ANKS1B: variants seen among roughly 807,000 people sequenced by gnomAD.
The protein encoded by ANKS1B is ankyrin repeat and sterile alpha motif domain containing 1B, also known as ankyrin repeat and sterile alpha motif domain-containing protein 1B.
ANKS1B carries 36 observed loss-of-function variants against 148.3 expected under a neutral mutation model. The ratio of observed to expected loss-of-function variants is 0.24; its 90% confidence interval spans 0.19 to 0.32. ANKS1B has a LOEUF of 0.32. ANKS1B is among the 10% of genes least tolerant of loss of function. ANKS1B has a pLI of 1.00. For synonymous variants in ANKS1B, 542 were observed against 560.8 expected (o/e 0.97, Z 0.47); for missense variants, 1,157 against 1,542.6 (o/e 0.75, Z 4.19).
rs567621978 is a variant in ANKS1B at position 99,453,244 on chromosome 12, T to C, written c.1439-9435A>G. Among the ~76,000 whole-genome samples, 11 of 151,944 alleles carry C rather than the reference T, an allele frequency of 7.2e-5. No homozygotes were observed. The South Asian group carries it at 1.0e-3, about 14-fold the overall frequency. On this transcript the variant is annotated intron_variant, in intron 10 of 26. Coordinates refer to ENST00000683438, the MANE Select transcript of ANKS1B (RefSeq NM_001352186.2). ...AGCAGAGCTTGGAGTGAGCCGAGAT[T>C]GCACCACTGCACTCCAGCCTGGGTG...
In ANKS1B at chr12:99,515,829, T is replaced by C. The variant is rs568560341; in HGVS notation, c.1273-11188A>G. ...TCCACATCCTCACCAGCATTTGTTA[T>C]TGCCTGTCTTTTGGATAAAAGTCAT... On this transcript the variant is annotated intron_variant, in intron 9 of 26. Transcript: ENST00000683438. Among the ~76,000 whole-genome samples the C allele has an allele frequency of 9.8e-5, 15 of 152,286 alleles. No individual in the cohort carries two copies. The South Asian group carries it at 3.1e-3, about 32-fold the overall frequency.
At chr12:98,899,469 A>G (rs758046830) in intron 17 of ANKS1B, among the ~76,000 whole-genome samples, 1 of 152,216 alleles carries the variant, frequency 6.6e-6, no homozygotes, top group East Asian at 1.9e-4. Context: ...AGATGCAATT[A>G]AAGTCTATAG....
chr12:98,876,499 G>T (rs1009922866), intron 17 of ANKS1B, among the ~76,000 whole-genome samples: 4 of 152,174 alleles, frequency 2.6e-5, no homozygotes, highest in Non-Finnish European at 4.4e-5. Context: ...TTACATGCTT[G>T]CTCCTGTCCC....
intron 8 of ANKS1B, among the ~76,000 whole-genome samples, chr12:99,716,935 C>T (rs1450250501): frequency 6.6e-6 from 1 of 152,196 alleles, no homozygotes; most frequent in African/African-American, 2.4e-5. Flanking sequence ...ACACCTGGTC[C>T]AGCTTACAGT....
At chr12:99,592,961 G>A (rs1042850834) in intron 9 of ANKS1B, among the ~76,000 whole-genome samples, 5 of 152,164 alleles carry the variant, frequency 3.3e-5, no homozygotes, top group Non-Finnish European at 7.4e-5. Context: ...GGTTGAAACA[G>A]TTATTATCAA....
intron 8 of ANKS1B, among the ~76,000 whole-genome samples, chr12:99,677,797 C>A (rs2098587574): frequency 6.6e-6 from 1 of 152,064 alleles, no homozygotes; most frequent in Admixed American, 6.6e-5. Flanking sequence ...CACCATGAAA[C>A]CCTGTCTCTA....
chr12:99,847,490 T>C (rs906206268), intron 1 of ANKS1B, among the ~76,000 whole-genome samples: 2 of 152,192 alleles, frequency 1.3e-5, no homozygotes, highest in African/African-American at 4.8e-5. Flanking sequence ...GAAGGAGTCC[T>C]GCCCTACACC....
chr12:99,703,011 C>T (rs149208837), intron 8 of ANKS1B, among the ~76,000 whole-genome samples: 1 of 152,036 alleles, frequency 6.6e-6, no homozygotes, highest in African/African-American at 2.4e-5. Flanking sequence ...TTTCCCAGCA[C>T]CATTTTTGCA....
At chr12:98,955,937 G>A (rs781220930) in intron 17 of ANKS1B, among the ~76,000 whole-genome samples, 2 of 152,134 alleles carry the variant, frequency 1.3e-5, no homozygotes, top group Non-Finnish European at 1.5e-5. Flanking sequence ...TCAACTTTTT[G>A]TCTACTTCCT....
chr12:99,454,275 A>G (rs1368714546), intron 10 of ANKS1B, among the ~76,000 whole-genome samples: 1 of 152,244 alleles, frequency 6.6e-6, no homozygotes, highest in Non-Finnish European at 1.5e-5. Context: ...TTGCATTTCT[A>G]AAATTACTTT....
chr12:99,249,028 C>T (rs1036966303), intron 12 of ANKS1B, among the ~76,000 whole-genome samples: 4 of 152,050 alleles, frequency 2.6e-5, no homozygotes, highest in African/African-American at 9.7e-5. Context: ...CATCTTGTTC[C>T]AATGCATTTT....
chr12:99,159,600 T>C (rs2076432116), intron 14 of ANKS1B, among the ~76,000 whole-genome samples: 1 of 152,226 alleles, frequency 6.6e-6, no homozygotes, highest in South Asian at 2.1e-4. Context: ...ATGGTATATA[T>C]GTACCATGTT....
chr12:98,828,841 C>T (rs1458251841), intron 19 of ANKS1B, among the ~76,000 whole-genome samples: 1 of 152,204 alleles, frequency 6.6e-6, no homozygotes, highest in African/African-American at 2.4e-5. Flanking sequence ...AACCAATTTA[C>T]ATTTTGTAAT....
intron 16 of ANKS1B, among the ~76,000 whole-genome samples, chr12:99,060,211 C>G (rs1216256313): frequency 6.6e-6 from 1 of 150,868 alleles, no homozygotes. Flanking sequence ...TTTTTTTTTG[C>G]CAAATGCCTT....
chr12:99,101,526 AGACT>A (rs1368381149), intron 15 of ANKS1B, among the ~76,000 whole-genome samples: 1 of 152,192 alleles, frequency 6.6e-6, no homozygotes, highest in African/African-American at 2.4e-5. Context: ...GGTGAGAAAT[AGACT>A]TTCAGAGGAG....
chr12:99,468,528 G>T (rs1178219271), intron 10 of ANKS1B, among the ~76,000 whole-genome samples: 2 of 152,018 alleles, frequency 1.3e-5, no homozygotes, highest in East Asian at 1.9e-4. Flanking sequence ...GAAAATTTTC[G>T]CAACCTACTC....
intron 9 of ANKS1B, among the ~76,000 whole-genome samples, chr12:99,643,935 T>G (rs1359990521): frequency 2.0e-5 from 3 of 152,230 alleles, no homozygotes; most frequent in Admixed American, 6.5e-5. Context: ...AGTACACTTC[T>G]TGACAGTGAA....
At chr12:99,889,306 A>C (rs1055719072) in intron 1 of ANKS1B, among the ~76,000 whole-genome samples, 1 of 152,198 alleles carries the variant, frequency 6.6e-6, no homozygotes, top group African/African-American at 2.4e-5. Context: ...TAATTATCCA[A>C]GATCTCCAAC....
At chr12:98,837,698 T>G (rs1370503655) in intron 17 of ANKS1B, among the ~76,000 whole-genome samples, 1 of 152,206 alleles carries the variant, frequency 6.6e-6, no homozygotes, top group Admixed American at 6.5e-5. Context: ...AATAGCTTAC[T>G]TCAGAATATA....
Sources: gnomAD v4.1 joint callset for allele counts (sites outside exome capture counted in the v4.1 genomes callset) on GRCh38, gnomAD v4.1.1 for gene constraint, MANE v1.5 for transcripts, NCBI Gene and HGNC (gene_info 2026-07-23, HGNC 2026-07-21) for gene names.